The following NEMP2 variants were observed in gnomAD, a reference collection of about 807,000 sequenced individuals.
NEMP2 encodes nuclear envelope integral membrane protein 2.
NEMP2 carries 53 observed loss-of-function variants against 54.2 expected under a neutral mutation model. The ratio of observed to expected loss-of-function variants is 0.98; its 90% CI spans 0.78 to 1.23. The LOEUF (loss-of-function observed/expected upper bound fraction) is 1.23. Ranked by LOEUF, NEMP2 falls within the 50% of genes most tolerant of loss-of-function variation. The probability of loss-of-function intolerance (pLI) is 0.00; values close to 1 mark genes in which losing one functional copy is unlikely to be tolerated. For missense variants in NEMP2, 455 were observed against 511.3 expected, an observed-to-expected ratio of 0.89 and a Z score of 1.06; for synonymous variants, 197 against 190.3, an observed-to-expected ratio of 1.04 and a Z score of -0.29.
chr2:190,449,910 T>C, the NEMP2 span, among the ~76,000 whole-genome samples: 8 of 152,200 alleles, frequency 5.3e-5, no homozygotes, highest in Non-Finnish European at 1.0e-4. Context: ...ATATACCTAA[T>C]GCTAAATGAC....
the NEMP2 span, among the ~76,000 whole-genome samples, chr2:190,578,532 C>T: frequency 0.017 from 2,538 of 152,026 alleles, 79 homozygotes; most frequent in African/African-American, 0.057. This position sits in a 1 kb window ranked among gnomAD's most constrained non-coding sequence, Gnocchi z 4.4. Flanking sequence ...AAAATAAGTA[C>T]GGGTGATAAT....
At chr2:190,558,015 C>T in the NEMP2 span, among the ~76,000 whole-genome samples, 35,726 of 152,096 alleles carry the variant, frequency 0.23, 5,051 homozygotes, top group South Asian at 0.33. This position sits in a 1 kb window ranked among gnomAD's most constrained non-coding sequence, Gnocchi z 4.4. Flanking sequence ...TATAAAGACA[C>T]ATGCACACAT....
At chr2:190,534,736 A>G (rs1691308779), upstream of NEMP2, 3 of 1,081,614 alleles carry the variant, frequency 2.8e-6, no homozygotes, top group South Asian at 4.0e-5. Flanking sequence ...GCGGGGGCTC[A>G]GAGAAGGCGG....
chr2:190,647,710 C>CTTTTTTTTTTTTTTTTTT, the NEMP2 span, among the ~76,000 whole-genome samples: 30 of 102,360 alleles, frequency 2.9e-4, no homozygotes, highest in East Asian at 5.8e-4. Context: ...TCTTCTTCTT[C>CTTTTTTTTTTTTTTTTTT]TTTTTTTTTT....
the NEMP2 span, among the ~76,000 whole-genome samples, chr2:190,565,449 G>A: frequency 6.6e-6 from 1 of 152,310 alleles, no homozygotes; most frequent in African/African-American, 2.4e-5. Context: ...CTTGGGTTGG[G>A]TTCCTTGAGA....
the NEMP2 span, chr2:190,626,023 C>T: frequency 6.4e-6 from 1 of 156,154 alleles, no homozygotes; most frequent in Admixed American, 6.5e-5. This position sits in a 1 kb window ranked among gnomAD's most constrained non-coding sequence, Gnocchi z 4.5. Context: ...GCTGGGAAGT[C>T]CAAGATTAAG....
At chr2:190,442,656 G>C in the NEMP2 span, 2 of 152,176 alleles carry the variant, frequency 1.3e-5, no homozygotes, top group African/African-American at 4.8e-5. Context: ...GTGAGGTAGA[G>C]ACCCCTACAT....
chr2:190,533,996 T>C lies in NEMP2; in HGVS notation c.97+563A>G. On this transcript the variant is annotated intron_variant, in intron 1 of 8. Transcript: ENST00000409150. This position sits in a 1 kb window ranked among gnomAD's most constrained non-coding sequence, Gnocchi z 4.3. ...GTGCACACGAACACCACAAGAACCT[T>C]GTGAGGCCTCATTACCTGCCGCTCA... 1.5e-5 allele frequency: 15 copies of C among 985,338 alleles called. No individual in the cohort carries two copies. Among genetic ancestry groups the C allele is most frequent in the Non-Finnish European group, 1.6e-5 (13 of 829,936 alleles). The allele number at this position is 985,338 out of a possible 1,614,324, so 61.0% of individuals were successfully genotyped here.
the NEMP2 span, among the ~76,000 whole-genome samples, chr2:190,479,807 C>T: frequency 2.5e-4 from 38 of 152,218 alleles, no homozygotes; most frequent in African/African-American, 7.7e-4. Context: ...TCAGCTCTCT[C>T]TCTGTAGGAT....
At chr2:190,616,237 C>T in the NEMP2 span, among the ~76,000 whole-genome samples, 1 of 152,158 alleles carries the variant, frequency 6.6e-6, no homozygotes, top group Admixed American at 6.5e-5. The surrounding 1 kb of genome is among the most constrained non-coding windows in gnomAD (Gnocchi z 5.1). Flanking sequence ...AGCCCAGGGG[C>T]ATGGGCCCAA....
chr2:190,572,853 ATATATATATATATATATATATATG>A, the NEMP2 span, among the ~76,000 whole-genome samples: 1 of 118,722 alleles, frequency 8.4e-6, no homozygotes, highest in African/African-American at 3.2e-5. Context: ...ATATATATAT[ATATATATATATATATATATATATG>A]TATATATTTT....
chr2:190,518,645 C>T (rs1574301223), intron 4 of NEMP2, 91 bp downstream of exon 4: 1 of 1,077,220 alleles, frequency 9.3e-7, no homozygotes, highest in African/African-American at 1.6e-5. Flanking sequence ...ACTACAAATG[C>T]ACAATAGTGT....
rs1690243332 is a variant in NEMP2 at position 190,508,291 on chromosome 2, T to C, written c.*898A>G. The C allele has an allele frequency of 6.6e-6, 1 of 152,200 alleles. No individual in the cohort carries two copies. The highest frequency in any genetic ancestry group is 6.5e-5 in the Admixed American group (1 of 15,280). 9.4% of individuals were successfully genotyped at this position (152,200 alleles called of 1,614,324 possible). On this transcript the variant is annotated 3_prime_UTR_variant, in exon 9 of 9. Transcript: ENST00000409150. This position sits in a 1 kb window ranked among gnomAD's most constrained non-coding sequence, Gnocchi z 4.3. ...AACATTTCCCTTTATCACAGTTAAA[T>C]AGCAAGTTGGCCATTATTGAAAAAT...
At chr2:190,546,728 A>C in the NEMP2 span, among the ~76,000 whole-genome samples, 30 of 152,188 alleles carry the variant, frequency 2.0e-4, no homozygotes, top group Non-Finnish European at 3.8e-4. This position sits in a 1 kb window ranked among gnomAD's most constrained non-coding sequence, Gnocchi z 5.1. Context: ...AATAGAGTCA[A>C]GAAATCTACC....
chr2:190,495,084 T>C, the NEMP2 span, among the ~76,000 whole-genome samples: 67 of 152,270 alleles, frequency 4.4e-4, 1 homozygote, highest in African/African-American at 1.5e-3. This position sits in a 1 kb window ranked among gnomAD's most constrained non-coding sequence, Gnocchi z 4.7. Context: ...ATGATAAGAT[T>C]GTATACCTAG....
the NEMP2 span, among the ~76,000 whole-genome samples, chr2:190,639,389 TTTG>T: frequency 9.6e-6 from 1 of 104,284 alleles, no homozygotes; most frequent in Non-Finnish European, 2.3e-5. Flanking sequence ...CCTCCTGGTT[TTTG>T]TTGCCCTCTG....
At chr2:190,499,316 A>C in the NEMP2 span, among the ~76,000 whole-genome samples, 1 of 152,210 alleles carries the variant, frequency 6.6e-6, no homozygotes, top group Non-Finnish European at 1.5e-5. This position sits in a 1 kb window ranked among gnomAD's most constrained non-coding sequence, Gnocchi z 6.0. Flanking sequence ...GTGTTCAGCC[A>C]AAAAGTGATG....
In NEMP2 at chr2:190,530,796, G is replaced by A. The variant is rs1386309651; in HGVS notation, c.97+3763C>T. On this transcript the variant is annotated intron_variant, in intron 1 of 8. Coordinates refer to ENST00000409150, the MANE Select transcript of NEMP2 (RefSeq NM_001142645.2). This position sits in a 1 kb window ranked among gnomAD's most constrained non-coding sequence, Gnocchi z 4.6. ...GTCTGCGGGTTTCATTTATTCATGA[G>A]GCCCCAGTTATTGCTGGTTAATTCT... 6.6e-6 allele frequency among the ~76,000 whole-genome samples: 1 copy of A among 152,278 alleles called. No individual in the cohort carries two copies. Among genetic ancestry groups the A allele is most frequent in the Admixed American group, 6.5e-5 (1 of 15,302 alleles).
the NEMP2 span, among the ~76,000 whole-genome samples, chr2:190,632,694 A>G: frequency 1.3e-5 from 2 of 152,230 alleles, no homozygotes; most frequent in African/African-American, 2.4e-5. The surrounding 1 kb of genome is among the most constrained non-coding windows in gnomAD (Gnocchi z 4.8). Context: ...AGAATGGCAT[A>G]ATACCAGAAG....
Sources: gnomAD v4.1 joint callset for allele counts (sites outside exome capture counted in the v4.1 genomes callset) on GRCh38, gnomAD v4.1.1 for gene constraint, Gnocchi (gnomAD v3.1) non-coding constraint, MANE v1.5 for transcripts, NCBI Gene and HGNC (gene_info 2026-07-23, HGNC 2026-07-21) for gene names.